Variants in TCF25 observed in about 807,000 individuals in gnomAD.
The protein encoded by TCF25 is ribosome quality control complex subunit TCF25.
TCF25 carries 41 observed loss-of-function variants against 83.1 expected under a neutral mutation model. That is an observed-to-expected ratio of 0.49 (90% confidence interval 0.38 to 0.64). TCF25 has a LOEUF of 0.64. Ranked by LOEUF, TCF25 falls within the 30% of genes least tolerant of loss-of-function variation. The pLI, the probability that TCF25 is intolerant of heterozygous loss-of-function variation, is 0.00. For synonymous variants in TCF25, 458 were observed against 365.0 expected (o/e 1.25, Z -2.90); for missense variants, 979 against 914.5 (o/e 1.07, Z -0.91).
chr16:89,907,782 C>CTCCCAGT (rs2045033329), intron 16 of TCF25, among the ~76,000 whole-genome samples: 1 of 60,098 alleles, frequency 1.7e-5, no homozygotes, highest in South Asian at 7.7e-4. Context: ...CAGTTCCCAC[C>CTCCCAGT]TCCCACCTCC....
At chr16:89,904,657 C>T (rs1029863936) in intron 13 of TCF25, 12 of 563,216 alleles carry the variant, frequency 2.1e-5, no homozygotes, top group African/African-American at 5.6e-5. Flanking sequence ...CTCCAGGGCT[C>T]GCCCTGTGTG....
intron 11 of TCF25, 123 bp downstream of exon 11, chr16:89,898,995 A>G: frequency 1.1e-6 from 1 of 910,032 alleles, no homozygotes; most frequent in Non-Finnish European, 1.7e-6. Flanking sequence ...GTCTGAGGGC[A>G]GAACCACGTC....
intron 1 of TCF25, 85 bp downstream of exon 1, chr16:89,873,944 G>C (rs2041949010): frequency 4.2e-6 from 6 of 1,419,120 alleles, no homozygotes; most frequent in Middle Eastern, 2.6e-4. Flanking sequence ...TCGGGGAGCG[G>C]GGTTGTGATG....
chr16:89,876,995 G>A (rs2042245013), intron 1 of TCF25, among the ~76,000 whole-genome samples: 1 of 149,284 alleles, frequency 6.7e-6, no homozygotes, highest in African/African-American at 2.5e-5. Context: ...CCAGCTACTT[G>A]GGAGGCTGAG....
intron 17 of TCF25, 86 bp from the exon 18 acceptor site, chr16:89,910,994 G>T (rs759964252): frequency 2.6e-5 from 40 of 1,558,886 alleles, no homozygotes; most frequent in Non-Finnish European, 3.3e-5. Flanking sequence ...GGGCCACCTC[G>T]GGCTCCACAG....
Position 89,884,721 on chromosome 16 carries a change from G to A in TCF25, c.429+65G>A, listed in dbSNP as rs1178055149. ...TGACGCCCCTCTCCCTCTGCCTGAC[G>A]CCCTCTCCCTCTGCCTGACGCCCTC... is the stretch of plus-strand genomic sequence containing the variant. On this transcript the variant is annotated intron_variant, in intron 3 of 17. Coordinates refer to ENST00000263346, the MANE Select transcript of TCF25 (RefSeq NM_014972.3). 1.5e-5 allele frequency: 22 copies of A among 1,467,798 alleles called. 2 individuals carry two copies. The African/African-American group carries it at 4.0e-4, about 27-fold the overall frequency. The allele number at this position is 1,467,798 out of a possible 1,614,324, so 90.9% of individuals were successfully genotyped here. A position where few individuals can be genotyped will look rare whatever the true frequency, so the allele number is the denominator to read the frequency against.
Position 89,873,650 on chromosome 16 carries a change from T to G in TCF25, c.-18T>G. On this transcript the variant is annotated 5_prime_UTR_variant, in exon 1 of 18. Transcript: ENST00000263346. The stretch of plus-strand genomic sequence containing the variant: ...GCTTCCTTCTCCCTCTCTCCAGACG[T>G]CGTGGTCGTTCGGTCCTATGTCGCG... The G allele has an allele frequency of 1.3e-6, 2 of 1,553,952 alleles. No individual in the cohort carries two copies. Among genetic ancestry groups the G allele is most frequent in the Non-Finnish European group, 1.7e-6 (2 of 1,155,716 alleles).
chr16:89,893,752 CAAAA>C lies in TCF25; in HGVS notation c.726_729del (p.Lys243AlafsTer66). On this transcript the variant is annotated frameshift_variant, in exon 7 of 18. Coordinates refer to ENST00000263346, the MANE Select transcript of TCF25 (RefSeq NM_014972.3). LOFTEE classifies it high-confidence loss of function. Reference sequence around the variant, plus strand: ...GGTCTGTCCATGCGGCTGCTGGAATCAAAAAAAGGCCTCTCCTTCTTTGCGTTTG... The same window carrying C: ...GGTCTGTCCATGCGGCTGCTGGAATCAAAGGCCTCTCCTTCTTTGCGTTTG... The C allele has an allele frequency of 6.2e-7, 1 of 1,613,738 alleles. No homozygotes were observed. Among genetic ancestry groups the C allele is most frequent in the South Asian group, 1.1e-5 (1 of 91,042 alleles).
At chr16:89,908,391 T>C (rs116496029) in intron 16 of TCF25, among the ~76,000 whole-genome samples, 6,118 of 47,228 alleles carry the variant, frequency 0.13, 346 homozygotes, top group African/African-American at 0.29. Flanking sequence ...CCTCCCTCCT[T>C]CCAGTTTCCA....
At chr16:89,884,346 G>A (rs1024730969) in intron 2 of TCF25, among the ~76,000 whole-genome samples, 2 of 152,164 alleles carry the variant, frequency 1.3e-5, no homozygotes, top group African/African-American at 4.8e-5. Flanking sequence ...AGGGTCCTGT[G>A]AGCCTGTGAG....
intron 1 of TCF25, 103 bp downstream of exon 1, chr16:89,873,962 T>G (rs1474972063): frequency 1.1e-4 from 115 of 1,076,200 alleles, no homozygotes; most frequent in Admixed American, 5.4e-4. Context: ...ATGCCAGGGG[T>G]GGGAAGGGTG....
chr16:89,888,931 C>A (rs193290412), intron 5 of TCF25, among the ~76,000 whole-genome samples: 1 of 148,462 alleles, frequency 6.7e-6, no homozygotes, highest in African/African-American at 2.5e-5. Context: ...AGGTGATCCA[C>A]TTGCCTTGGC....
chr16:89,877,485 T>C (rs1358785074), intron 1 of TCF25, among the ~76,000 whole-genome samples: 1 of 152,190 alleles, frequency 6.6e-6, no homozygotes, highest in Admixed American at 6.6e-5. Flanking sequence ...CTATCAAAAT[T>C]TGTGGGATGC....
intron 16 of TCF25, among the ~76,000 whole-genome samples, chr16:89,908,546 C>A (rs1480071658): frequency 7.2e-6 from 1 of 138,080 alleles, no homozygotes; most frequent in Non-Finnish European, 1.6e-5. Context: ...CTCCCTCCTC[C>A]CACCTTCCAG....
intron 16 of TCF25, among the ~76,000 whole-genome samples, chr16:89,908,647 GCTCCCAC>G (rs1567746019): frequency 1.9e-4 from 3 of 15,654 alleles, no homozygotes; most frequent in African/African-American, 6.8e-4. Flanking sequence ...CCACCTCCCA[GCTCCCAC>G]CTCCCAGCTC....
chr16:89,886,489 C>T (rs1041278270), intron 4 of TCF25, among the ~76,000 whole-genome samples: 1 of 140,720 alleles, frequency 7.1e-6, no homozygotes, highest in Non-Finnish European at 1.5e-5. Flanking sequence ...TAGGCCGGGC[C>T]CGGTGGCTCA....
intron 15 of TCF25, among the ~76,000 whole-genome samples, chr16:89,906,652 C>G (rs775246488): frequency 6.6e-6 from 1 of 152,116 alleles, no homozygotes; most frequent in Non-Finnish European, 1.5e-5. Flanking sequence ...GTCTCAAAAC[C>G]TAAGGAGTTT....
At chr16:89,899,225 G>C (rs920301514) in intron 11 of TCF25, among the ~76,000 whole-genome samples, 14 of 152,282 alleles carry the variant, frequency 9.2e-5, no homozygotes, top group African/African-American at 3.4e-4. Flanking sequence ...ATGCAGCCGG[G>C]AGGTAGAAGG....
intron 16 of TCF25, among the ~76,000 whole-genome samples, chr16:89,907,910 C>A (rs1475133307): frequency 2.2e-5 from 3 of 135,942 alleles, no homozygotes; most frequent in Admixed American, 7.2e-5. Context: ...TCCCACCTCC[C>A]AGCTCCTGCC....
Sources: allele counts gnomAD v4.1 joint callset (sites outside exome capture counted in the v4.1 genomes callset), GRCh38; gene constraint gnomAD v4.1.1; transcripts MANE v1.5; gene names NCBI Gene and HGNC (gene_info 2026-07-23, HGNC 2026-07-21).